Variants in DGKG observed in about 807,000 individuals in gnomAD.
DGKG encodes DAG kinase gamma.
In DGKG, 78 loss-of-function variants were observed where a neutral mutation model predicts 105.3. The ratio of observed to expected loss-of-function variants is 0.74; its 90% CI spans 0.62 to 0.89. The LOEUF (loss-of-function observed/expected upper bound fraction) is 0.89, where lower values mean the gene tolerates loss of function less well. DGKG is among the 40% of genes least tolerant of loss of function. The probability of loss-of-function intolerance (pLI) is 0.00; values close to 1 mark genes in which losing one functional copy is unlikely to be tolerated. For missense variants in DGKG, 958 were observed against 1,020.1 expected (o/e 0.94, Z 0.83); for synonymous variants, 346 against 367.1 (o/e 0.94, Z 0.66).
chr3:186,154,644 C>CAAAAAAAAAAAAAAAAAAAAAA (rs60767699), intron 24 of DGKG, among the ~76,000 whole-genome samples: 3 of 39,922 alleles, frequency 7.5e-5, no homozygotes, highest in East Asian at 7.0e-4. Context: ...GACTCTGTCT[C>CAAAAAAAAAAAAAAAAAAAAAA]AAAAAAAAAA....
At chr3:186,283,065 T>C (rs965298727) in intron 7 of DGKG, among the ~76,000 whole-genome samples, 5 of 151,758 alleles carry the variant, frequency 3.3e-5, no homozygotes, top group African/African-American at 4.9e-5. Flanking sequence ...TGTGCCAACA[T>C]GCCCGGCTAA....
chr3:186,356,887 C>T (rs758674081), intron 1 of DGKG, among the ~76,000 whole-genome samples: 14 of 152,098 alleles, frequency 9.2e-5, no homozygotes, highest in Non-Finnish European at 8.8e-5. Flanking sequence ...TTTGGTTCCC[C>T]GCCCTTTTCC....
At chr3:186,308,656 T>C (rs60339006) in intron 2 of DGKG, among the ~76,000 whole-genome samples, 1 of 152,152 alleles carries the variant, frequency 6.6e-6, no homozygotes, top group Non-Finnish European at 1.5e-5. Flanking sequence ...TTCTGTTGCC[T>C]AAAAATGGAA....
At chr3:186,237,933 G>A (rs1720493426) in intron 20 of DGKG, among the ~76,000 whole-genome samples, 1 of 152,140 alleles carries the variant, frequency 6.6e-6, no homozygotes, top group African/African-American at 2.4e-5. Context: ...TTGGCATCTA[G>A]GAGGAGCTAA....
intron 24 of DGKG, chr3:186,160,314 AGG>A (rs983018922): frequency 7.1e-6 from 7 of 985,250 alleles, no homozygotes; most frequent in Admixed American, 1.2e-4. Context: ...CAGGTAGGAG[AGG>A]GTTTGATTTC....
intron 24 of DGKG, among the ~76,000 whole-genome samples, chr3:186,156,033 T>C (rs1380605232): frequency 1.3e-5 from 2 of 150,538 alleles, no homozygotes; most frequent in African/African-American, 5.0e-5. Flanking sequence ...AGCTGGTTTC[T>C]TTATACCTTG....
intron 2 of DGKG, among the ~76,000 whole-genome samples, chr3:186,318,067 C>A (rs1235696431): frequency 7.2e-5 from 11 of 152,188 alleles, no homozygotes; most frequent in African/African-American, 2.4e-4. Flanking sequence ...GCCACACTCA[C>A]CACCTTAGCT....
intron 20 of DGKG, among the ~76,000 whole-genome samples, chr3:186,230,090 T>C (rs1720074145): frequency 6.6e-6 from 1 of 152,010 alleles, no homozygotes; most frequent in Non-Finnish European, 1.5e-5. Flanking sequence ...AAATCCCGTC[T>C]CTACTAAAAA....
intron 22 of DGKG, among the ~76,000 whole-genome samples, chr3:186,168,664 C>G (rs6781295): frequency 0.015 from 2,221 of 152,068 alleles, 50 homozygotes; most frequent in African/African-American, 0.051. Flanking sequence ...CTGGCCAACA[C>G]GGTGAAACCC....
intron 21 of DGKG, among the ~76,000 whole-genome samples, chr3:186,193,404 C>T (rs1482399473): frequency 1.3e-5 from 2 of 152,246 alleles, no homozygotes; most frequent in Non-Finnish European, 2.9e-5. Context: ...TGCAGTAGCA[C>T]TGTGTAACTG....
At chr3:186,290,154 T>A (rs999943225) in intron 5 of DGKG, among the ~76,000 whole-genome samples, 1 of 152,158 alleles carries the variant, frequency 6.6e-6, no homozygotes, top group Admixed American at 6.5e-5. Flanking sequence ...CAAAAGTAAT[T>A]TTCTACTGGA....
rs74556325 is a variant in DGKG, at chr3:186,354,203, T to G, written c.-249+7743A>C. ...AAGAGCTTTCTCTAGCTTATTTACT[T>G]TAACTGCAAGTCAGGGGCACGACGG... On this transcript the variant is annotated intron_variant, in intron 1 of 24. Transcript: ENST00000265022. 3.7e-3 allele frequency among the ~76,000 whole-genome samples: 562 copies of G among 152,258 alleles called. 3 individuals are homozygous for G. The highest frequency in any genetic ancestry group is 0.013 in the African/African-American group (529 of 41,554).
intron 2 of DGKG, among the ~76,000 whole-genome samples, chr3:186,311,891 T>C (rs975941768): frequency 1.4e-5 from 2 of 140,150 alleles, no homozygotes; most frequent in Non-Finnish European, 3.0e-5. Flanking sequence ...CCGAGGCGGG[T>C]GGATCATGAG....
chr3:186,243,256 G>A (rs765253814), intron 19 of DGKG, among the ~76,000 whole-genome samples: 14 of 151,118 alleles, frequency 9.3e-5, no homozygotes, highest in Admixed American at 8.6e-4. Flanking sequence ...CACTTCACTC[G>A]AAGGACTCCC....
At chr3:186,353,197 C>T (rs544287984) in intron 1 of DGKG, among the ~76,000 whole-genome samples, 118 of 152,086 alleles carry the variant, frequency 7.8e-4, no homozygotes, top group Non-Finnish European at 9.1e-4. Flanking sequence ...CTTCCCAGGC[C>T]GAGGACGTGA....
chr3:186,245,502 T>C (rs61310279), intron 19 of DGKG, among the ~76,000 whole-genome samples: 245 of 152,362 alleles, frequency 1.6e-3, no homozygotes, highest in African/African-American at 5.6e-3. Flanking sequence ...AGGGCTACGA[T>C]GGTTCAAACC....
chr3:186,263,016 A>G (rs931107554), intron 14 of DGKG, among the ~76,000 whole-genome samples: 11 of 151,890 alleles, frequency 7.2e-5, no homozygotes, highest in African/African-American at 2.7e-4. Context: ...AATCCCAGCT[A>G]CTCGGGAGGC....
chr3:186,223,011 C>CTATATATATATATATATATATATATA lies in DGKG; in HGVS notation c.1827-11127_1827-11126insTATATATATATATATATATATATATA, dbSNP rs55753193. Among the ~76,000 whole-genome samples the CTATATATATATATATATATATATATA allele has an allele frequency of 8.5e-3, 682 of 80,164 alleles. 30 individuals are homozygous for CTATATATATATATATATATATATATA. Among genetic ancestry groups the CTATATATATATATATATATATATATA allele is most frequent in the East Asian group, 0.013 (12 of 956 alleles). The allele number at this position is 80,164 out of a possible 152,430, so 52.6% of individuals were successfully genotyped here. On this transcript the variant is annotated intron_variant, in intron 20 of 24. Coordinates refer to ENST00000265022, the MANE Select transcript of DGKG (RefSeq NM_001346.3). ...AAGAATACACACACGTGTATGTATA[C>CTATATATATATATATATATATATATA]TATATATATATATATATATATATGT...
At chr3:186,303,334 G>T (rs1724066554) in intron 3 of DGKG, among the ~76,000 whole-genome samples, 1 of 152,152 alleles carries the variant, frequency 6.6e-6, no homozygotes, top group Admixed American at 6.5e-5. Flanking sequence ...CTGAGACCTG[G>T]ACTAACATCC....
Sources: allele counts gnomAD v4.1 joint callset (sites outside exome capture counted in the v4.1 genomes callset), GRCh38; gene constraint gnomAD v4.1.1; transcripts MANE v1.5; gene names NCBI Gene and HGNC (gene_info 2026-07-23, HGNC 2026-07-21).